The following MTREX variants were observed in gnomAD, a reference collection of about 807,000 sequenced individuals.
MTREX encodes the protein exosome RNA helicase MTR4.
MTREX carries 76 observed loss-of-function variants against 135.4 expected under a neutral mutation model. The observed-to-expected ratio is 0.56, with a 90% CI of 0.47 to 0.68. MTREX has a LOEUF of 0.68. MTREX is among the 30% of genes least tolerant of loss of function. MTREX has a pLI of 0.00. For synonymous variants in MTREX, 404 were observed against 401.6 expected (o/e 1.01, Z -0.07); for missense variants, 920 against 1,262.1 (o/e 0.73, Z 4.11).
At chr5:55,362,309 A>G (rs1750028112) in intron 15 of MTREX, among the ~76,000 whole-genome samples, 2 of 151,878 alleles carry the variant, frequency 1.3e-5, no homozygotes, top group African/African-American at 4.8e-5. Flanking sequence ...AGTATCTGCT[A>G]TTAGCTTAAA....
rs1385574517 is a variant in MTREX, at chr5:55,406,064, G to C, written c.2645+476G>C. 2.0e-5 allele frequency among the ~76,000 whole-genome samples: 3 copies of C among 152,098 alleles called. No individual in the cohort carries two copies. In the East Asian group the frequency reaches 5.8e-4, roughly 29 times the overall value. ...TTACGTGCATAGCAAATTGTAATGA[G>C]ATTTTGGGCTAATAATAGGATTTTA... is the stretch of plus-strand genomic sequence containing the variant. On this transcript the variant is annotated intron_variant, in intron 22 of 26. Coordinates refer to ENST00000230640, the MANE Select transcript of MTREX (RefSeq NM_015360.5).
intron 5 of MTREX, among the ~76,000 whole-genome samples, chr5:55,334,507 CGT>C (rs890567073): frequency 4.5e-4 from 69 of 152,150 alleles, no homozygotes; most frequent in African/African-American, 1.5e-3. Flanking sequence ...CTAGGACTAA[CGT>C]GTTGGTATCA....
chr5:55,327,101 T>G (rs1749396179), intron 3 of MTREX, among the ~76,000 whole-genome samples: 1 of 152,242 alleles, frequency 6.6e-6, no homozygotes, highest in Non-Finnish European at 1.5e-5. Flanking sequence ...CTATCACTGA[T>G]GGACATTTGG....
chr5:55,382,244 C>G (rs1333290971), intron 18 of MTREX, among the ~76,000 whole-genome samples: 1 of 151,402 alleles, frequency 6.6e-6, no homozygotes, highest in Non-Finnish European at 1.5e-5. Context: ...TTACTGCTTC[C>G]TTTTGTATCA....
intron 5 of MTREX, among the ~76,000 whole-genome samples, chr5:55,334,490 C>A (rs1162668353): frequency 6.6e-6 from 1 of 151,996 alleles, no homozygotes; most frequent in Non-Finnish European, 1.5e-5. Context: ...TATTTATAAA[C>A]CTGGTACTAG....
intron 18 of MTREX, among the ~76,000 whole-genome samples, chr5:55,384,034 G>A (rs1003854803): frequency 7.9e-5 from 12 of 152,182 alleles, no homozygotes; most frequent in African/African-American, 2.7e-4. Context: ...GTCTCTCAAA[G>A]TCCTGGGATT....
chr5:55,402,848 A>ATGTG (rs1206609714), intron 21 of MTREX, among the ~76,000 whole-genome samples: 3 of 44,908 alleles, frequency 6.7e-5, no homozygotes, highest in South Asian at 1.1e-3. Context: ...GTGTATGTGT[A>ATGTG]TGTATGTGTG....
intron 5 of MTREX, among the ~76,000 whole-genome samples, chr5:55,338,874 T>G (rs1195219326): frequency 7.1e-6 from 1 of 140,144 alleles, no homozygotes; most frequent in African/African-American, 2.7e-5. Flanking sequence ...CACTGCAGCC[T>G]CCACCTCCTG....
chr5:55,370,614 G>A (rs1750180367), intron 16 of MTREX, among the ~76,000 whole-genome samples: 1 of 152,100 alleles, frequency 6.6e-6, no homozygotes, highest in Admixed American at 6.5e-5. Context: ...ACTGTCAAAA[G>A]TATAACATAC....
At chr5:55,386,236 A>G (rs771794137) in intron 18 of MTREX, among the ~76,000 whole-genome samples, 1 of 152,214 alleles carries the variant, frequency 6.6e-6, no homozygotes, top group Non-Finnish European at 1.5e-5. Context: ...TTACCAAATT[A>G]TGTTTTAATT....
rs545738372 is a variant in MTREX at position 55,326,941 on chromosome 5, A to G, written c.340-775A>G. Among the ~76,000 whole-genome samples the G allele has an allele frequency of 5.3e-5, 8 of 152,270 alleles. No individual in the cohort carries two copies. In the East Asian group the frequency reaches 1.4e-3, roughly 26 times the overall value. On this transcript the variant is annotated intron_variant, in intron 3 of 26. Coordinates refer to ENST00000230640, the MANE Select transcript of MTREX (RefSeq NM_015360.5). ...TCAACTCCCACTTACGAGTGAGAACATGGCAGTGTTTGGTTTTGTGTTGTT... is the reference window on the plus strand; with the variant it reads ...TCAACTCCCACTTACGAGTGAGAACGTGGCAGTGTTTGGTTTTGTGTTGTT...
chr5:55,410,553 T>C lies in MTREX; in HGVS notation c.2675T>C (p.Met892Thr). 1 of 1,610,824 alleles carries C rather than the reference T, an allele frequency of 6.2e-7. No individual in the cohort carries two copies. Among genetic ancestry groups the C allele is most frequent in the South Asian group, 1.1e-5 (1 of 90,696 alleles). Reference protein sequence around the residue: ...SADELLLTEMMFNGLFNDLSA... With the variant: ...SADELLLTEMTFNGLFNDLSA... The stretch of plus-strand genomic sequence containing the variant: ...GATGAGCTCCTTCTAACTGAGATGA[T>C]GTTTAATGGCCTTTTCAATGACCTT... Residue 892 changes from methionine (M) to threonine (T), a missense_variant, in exon 23 of 27, where the codon ATG becomes ACG. Met to Thr is a moderately conservative substitution (Grantham distance 81, BLOSUM62 -1). Transcript: ENST00000230640.
At chr5:55,346,772 CT>C (rs534497412) in intron 10 of MTREX, among the ~76,000 whole-genome samples, 61 of 152,118 alleles carry the variant, frequency 4.0e-4, no homozygotes, top group African/African-American at 1.3e-3. Context: ...TGTCTTTTTA[CT>C]TTATTGATGG....
intron 10 of MTREX, 77 bp downstream of exon 10, chr5:55,345,273 G>GTTT (rs934136704): frequency 1.1e-6 from 1 of 930,540 alleles, no homozygotes; most frequent in African/African-American, 1.7e-5. Flanking sequence ...TTTTGTCTTA[G>GTTT]TTTTTTTTTC....
chr5:55,367,581 G>C (rs1579873859), intron 16 of MTREX, among the ~76,000 whole-genome samples: 1 of 152,040 alleles, frequency 6.6e-6, no homozygotes, highest in East Asian at 1.9e-4. Context: ...GAATGTTTAG[G>C]GAAATATAAT....
chr5:55,349,064 A>C (rs2112067562), intron 11 of MTREX, among the ~76,000 whole-genome samples: 1 of 152,182 alleles, frequency 6.6e-6, no homozygotes, highest in Admixed American at 6.5e-5. Flanking sequence ...TTTTTTCATG[A>C]ATTAAGTCTA....
chr5:55,349,698 T>G (rs1749797229), intron 12 of MTREX, 46 bp downstream of exon 12: 1 of 997,106 alleles, frequency 1.0e-6, no homozygotes, highest in South Asian at 1.3e-5. Context: ...AATAATAGAT[T>G]GCATATATTC....
chr5:55,318,111 A>T (rs553997321), intron 1 of MTREX, among the ~76,000 whole-genome samples: 3 of 152,238 alleles, frequency 2.0e-5, no homozygotes, highest in South Asian at 4.1e-4. Context: ...ACTAAAAACT[A>T]AAAAAATAGC....
In MTREX at chr5:55,340,151, T is replaced by A. The variant is rs1368092676; in HGVS notation, c.657T>A (p.Asn219Lys). 1.9e-6 allele frequency: 3 copies of A among 1,598,458 alleles called. No individual in the cohort carries two copies. The highest frequency in any genetic ancestry group is 2.3e-5 in the South Asian group (2 of 87,958). ...TGATGACTGGTGATGTTACTATTAA[T>A]CCTACGGCATCTTGTCTTGTTATGA... ...VGLMTGDVTI[N>K]PTASCLVMTT... is the part of the protein sequence containing the mutation. Residue 219 changes from asparagine (N) to lysine (K), a missense_variant, in exon 6 of 27, where the codon AAT (asparagine) becomes AAA (lysine). By Grantham distance (94) the Asn-to-Lys change is moderately conservative (BLOSUM62 0). This residue lies in a region of MTREX where 88 missense variants were observed against 202.5 expected (regional missense o/e 0.43). Coordinates refer to ENST00000230640, the MANE Select transcript of MTREX (RefSeq NM_015360.5).
Sources: gnomAD v4.1 joint callset for allele counts (sites outside exome capture counted in the v4.1 genomes callset) on GRCh38, gnomAD v4.1.1 for gene constraint, gnomAD v4.1.1 regional missense constraint, MANE v1.5 for transcripts, NCBI Gene and HGNC (gene_info 2026-07-23, HGNC 2026-07-21) for gene names.